Variants in SUB1 observed in about 807,000 individuals in gnomAD.
The protein encoded by SUB1 is SUB1 regulator of transcription, also known as activated RNA polymerase II transcriptional coactivator p15.
Under a neutral mutation model 16.9 loss-of-function variants are expected in SUB1, and 1 was observed. That is an observed-to-expected ratio of 0.06 (90% confidence interval 0.02 to 0.28). SUB1 has a LOEUF of 0.28. SUB1 is among the 10% of genes least tolerant of loss of function. The probability of loss-of-function intolerance (pLI) is 1.00; values close to 1 mark genes in which losing one functional copy is unlikely to be tolerated. For synonymous variants in SUB1, 51 were observed against 46.9 expected, an observed-to-expected ratio of 1.09 and a Z score of -0.36; for missense variants, 84 against 145.2, an observed-to-expected ratio of 0.58 and a Z score of 2.16.
chr5:32,602,045 T>C lies in SUB1; in HGVS notation c.*961T>C, dbSNP rs1739126671. Reference sequence around the variant, plus strand: ...AGCTTTACTGTTATAGTAGGTAATATGGTTAGTTTGTAGGGAAAAGAGCAT... The same window carrying C: ...AGCTTTACTGTTATAGTAGGTAATACGGTTAGTTTGTAGGGAAAAGAGCAT... On this transcript the variant is annotated 3_prime_UTR_variant, in exon 5 of 5. Transcript: ENST00000265073. 1 of 258,288 alleles carries C rather than the reference T, an allele frequency of 3.9e-6. No individual in the cohort carries two copies. Among genetic ancestry groups the C allele is most frequent in the South Asian group, 3.8e-5 (1 of 26,382 alleles). The allele number at this position is 258,288 out of a possible 1,614,324, so 16.0% of individuals were successfully genotyped here. A position where few individuals can be genotyped will look rare whatever the true frequency, so the allele number is the denominator to read the frequency against.
rs1378509135 is a variant in SUB1, at chr5:32,602,040, T to TAATATG, written c.*957_*962dup. On this transcript the variant is annotated 3_prime_UTR_variant, in exon 5 of 5. Coordinates refer to ENST00000265073, the MANE Select transcript of SUB1 (RefSeq NM_006713.4). ...CATTAAGCTTTACTGTTATAGTAGGTAATATGGTTAGTTTGTAGGGAAAAG... is the reference window on the plus strand; with the variant it reads ...CATTAAGCTTTACTGTTATAGTAGGTAATATGAATATGGTTAGTTTGTAGGGAAAAG... 1 of 257,814 alleles carries TAATATG rather than the reference T, an allele frequency of 3.9e-6. No individual in the cohort carries two copies. Among genetic ancestry groups the TAATATG allele is most frequent in the African/African-American group, 2.3e-5 (1 of 44,414 alleles). The allele number at this position is 257,814 out of a possible 1,614,324, so 16.0% of individuals were successfully genotyped here.
At chr5:32,598,913 T>TA (rs762933741) in intron 3 of SUB1, 48 bp from the exon 4 acceptor site, 7 of 1,404,304 alleles carry the variant, frequency 5.0e-6, no homozygotes, top group South Asian at 3.5e-5. Context: ...TTGAAACAGA[T>TA]ACCACTCTTG....
At chr5:32,590,785 T>TTTTTTTTTTTG (rs1561033588) in intron 2 of SUB1, among the ~76,000 whole-genome samples, 1 of 131,860 alleles carries the variant, frequency 7.6e-6, no homozygotes. Context: ...TTTTTTTTTT[T>TTTTTTTTTTTG]GAGATGGAGT....
At chr5:32,599,362 T>G (rs911298880) in intron 4 of SUB1, among the ~76,000 whole-genome samples, 3 of 152,264 alleles carry the variant, frequency 2.0e-5, no homozygotes, top group African/African-American at 7.2e-5. Context: ...TGAAGCAGAT[T>G]AGGCACTATC....
chr5:32,589,607 C>T (rs371094733), intron 2 of SUB1, among the ~76,000 whole-genome samples: 205 of 152,262 alleles, frequency 1.3e-3, no homozygotes, highest in African/African-American at 4.6e-3. Flanking sequence ...TGGTGAATTT[C>T]GCTAAATTGA....
Position 32,594,621 on chromosome 5 carries a change from C to T in SUB1, c.195+2936C>T, listed in dbSNP as rs1273569830. 2.0e-5 allele frequency: 9 copies of T among 454,872 alleles called. No homozygotes were observed. The East Asian group carries it at 2.8e-4, about 14-fold the overall frequency. 28.2% of individuals were successfully genotyped at this position (454,872 alleles called of 1,614,324 possible). On this transcript the variant is annotated intron_variant, in intron 3 of 4. Transcript: ENST00000265073. ...GGGTCCCTCCTGCACAGGAGGTGAG[C>T]GGTGTGTGAGTGAACATTGCAGCCC...
chr5:32,587,560 C>G (rs186060185), intron 1 of SUB1, among the ~76,000 whole-genome samples: 4 of 152,060 alleles, frequency 2.6e-5, no homozygotes, highest in Admixed American at 6.5e-5. Context: ...TAATTATGTT[C>G]CAGAGTAGAA....
At chr5:32,588,340 A>G (rs1398870481) in intron 1 of SUB1, among the ~76,000 whole-genome samples, 172 bp from the exon 2 acceptor site, 2 of 152,234 alleles carry the variant, frequency 1.3e-5, no homozygotes, top group Admixed American at 6.5e-5. Context: ...GTTATTTGCA[A>G]CTTAAAAGGG....
At chr5:32,599,916 G>T (rs745418242) in intron 4 of SUB1, among the ~76,000 whole-genome samples, 8 of 152,028 alleles carry the variant, frequency 5.3e-5, no homozygotes, top group Non-Finnish European at 8.8e-5. Flanking sequence ...GTCGGTATTG[G>T]AATGCTAGAA....
At chr5:32,598,315 G>C (rs530234253) in intron 3 of SUB1, 2 of 152,294 alleles carry the variant, frequency 1.3e-5, no homozygotes, top group Admixed American at 6.5e-5. Flanking sequence ...GTTATTTAAA[G>C]TTTATGGTAT....
intron 2 of SUB1, chr5:32,591,336 C>T: frequency 4.6e-6 from 2 of 435,112 alleles, no homozygotes; most frequent in Non-Finnish European, 7.4e-6. Context: ...ACTATAATGC[C>T]TGAAGTGTCT....
At chr5:32,586,199 G>A (rs1414534004) in intron 1 of SUB1, 1 of 152,240 alleles carries the variant, frequency 6.6e-6, no homozygotes, top group Non-Finnish European at 1.5e-5. Flanking sequence ...CGACCAACCT[G>A]TCTCCCCTCG....
intron 1 of SUB1, among the ~76,000 whole-genome samples, chr5:32,587,039 CAAAT>C (rs1470654368): frequency 6.6e-6 from 1 of 151,956 alleles, no homozygotes; most frequent in Non-Finnish European, 1.5e-5. Context: ...TTGTATTAAA[CAAAT>C]ACAGTGTGTG....
chr5:32,592,485 G>C (rs1561034469), intron 3 of SUB1, among the ~76,000 whole-genome samples: 1 of 152,218 alleles, frequency 6.6e-6, no homozygotes, highest in African/African-American at 2.4e-5. Context: ...CTTGACACTG[G>C]CATCTTTGTA....
At position 32,601,045 on chromosome 5, in the gene SUB1, A is replaced by G; in HGVS notation, c.345A>G (p.Glu115=). The part of the protein sequence containing the change: ...LNPEQWSQLK[E]QISDIDDAVR... Reference sequence around the variant, plus strand: ...CAGAACAATGGAGCCAGCTGAAGGAACAGATTTCTGACATTGATGATGCAG... The same window carrying G: ...CAGAACAATGGAGCCAGCTGAAGGAGCAGATTTCTGACATTGATGATGCAG... The change falls in exon 5 of 5, where the codon GAA becomes GAG. Residue 115 remains glutamate, a synonymous_variant. Transcript: ENST00000265073. 1 of 1,612,242 alleles carries G rather than the reference A, an allele frequency of 6.2e-7. No individual in the cohort carries two copies. The highest frequency in any genetic ancestry group is 1.1e-5 in the South Asian group (1 of 91,000).
chr5:32,599,513 G>A (rs894204160), intron 4 of SUB1, among the ~76,000 whole-genome samples: 1 of 152,172 alleles, frequency 6.6e-6, no homozygotes, highest in African/African-American at 2.4e-5. Context: ...CCAGTCCCAA[G>A]CCTCTTAGCA....
rs753588321 is a variant in SUB1, at chr5:32,601,688, A to G, written c.*604A>G. On this transcript the variant is annotated 3_prime_UTR_variant, in exon 5 of 5. Coordinates refer to ENST00000265073, the MANE Select transcript of SUB1 (RefSeq NM_006713.4). Reference sequence around the variant, plus strand: ...ACTGTCAAAATGTTATCTCAATAAGATACTTATATGAGAACTACAATCACC... The same window carrying G: ...ACTGTCAAAATGTTATCTCAATAAGGTACTTATATGAGAACTACAATCACC... 5.2e-5 allele frequency: 8 copies of G among 153,250 alleles called. No homozygotes were observed. The highest frequency in any genetic ancestry group is 1.2e-4 in the Non-Finnish European group (8 of 68,708). The allele number at this position is 153,250 out of a possible 1,614,324, so 9.5% of individuals were successfully genotyped here. A position where few individuals can be genotyped will look rare whatever the true frequency, so the allele number is the denominator to read the frequency against.
intron 4 of SUB1, among the ~76,000 whole-genome samples, chr5:32,600,600 G>A (rs1739090703): frequency 6.8e-6 from 1 of 147,364 alleles, no homozygotes; most frequent in Non-Finnish European, 1.5e-5. Flanking sequence ...TTGTGTCCAA[G>A]TGGCAATTTT....
chr5:32,595,664 T>G (rs1738943596), intron 3 of SUB1: 1 of 152,222 alleles, frequency 6.6e-6, no homozygotes, highest in Non-Finnish European at 1.5e-5. Context: ...CCCTTTTGGG[T>G]AAATACCAGA....
Sources: gnomAD v4.1 joint callset for allele counts (sites outside exome capture counted in the v4.1 genomes callset) on GRCh38, gnomAD v4.1.1 for gene constraint, MANE v1.5 for transcripts, NCBI Gene and HGNC (gene_info 2026-07-23, HGNC 2026-07-21) for gene names.